Variants in CTNNA3 observed in about 807,000 individuals in gnomAD.
The protein encoded by CTNNA3 is catenin alpha-3.
Under a neutral mutation model 95.7 loss-of-function variants are expected in CTNNA3, and 76 were observed. That is an observed-to-expected ratio of 0.79 (90% CI 0.66 to 0.96). CTNNA3 has a LOEUF of 0.96. CTNNA3 is among the 40% of genes least tolerant of loss of function. CTNNA3 has a pLI of 0.00. For synonymous variants in CTNNA3, 431 were observed against 374.4 expected (o/e 1.15, Z -1.74); for missense variants, 1,191 against 1,089.8 (o/e 1.09, Z -1.31).
chr10:66,755,936 T>C (rs995711492), intron 9 of CTNNA3, among the ~76,000 whole-genome samples: 3 of 152,170 alleles, frequency 2.0e-5, no homozygotes, highest in Admixed American at 6.5e-5. Context: ...TGCCATTTAC[T>C]TTTATTTAGC....
chr10:67,303,129 A>G (rs1840395961), intron 5 of CTNNA3, among the ~76,000 whole-genome samples: 1 of 152,226 alleles, frequency 6.6e-6, no homozygotes, highest in African/African-American at 2.4e-5. Flanking sequence ...GACATAAGGT[A>G]TAATGCAGTA....
intron 10 of CTNNA3, among the ~76,000 whole-genome samples, chr10:66,597,795 T>A (rs1228834199): frequency 6.6e-6 from 1 of 151,414 alleles, no homozygotes; most frequent in Admixed American, 6.6e-5. Flanking sequence ...TTCCAAGAAA[T>A]AAAAGATAAA....
In CTNNA3 at chr10:66,213,453, T is replaced by C. The variant is rs987672387; in HGVS notation, c.1884+67017A>G. Reference sequence around the variant, plus strand: ...ACTGACTACGCTACATTTTTTCCTATGTCAGGGAAAAGTTAGAACATTGTA... The same window carrying C: ...ACTGACTACGCTACATTTTTTCCTACGTCAGGGAAAAGTTAGAACATTGTA... On this transcript the variant is annotated intron_variant, in intron 13 of 17. Transcript: ENST00000433211. 6.6e-5 allele frequency among the ~76,000 whole-genome samples: 10 copies of C among 152,176 alleles called. No individual in the cohort carries two copies. The South Asian group carries it at 8.3e-4, about 13-fold the overall frequency.
intron 5 of CTNNA3, among the ~76,000 whole-genome samples, chr10:67,482,464 C>T (rs554210373): frequency 5.3e-5 from 8 of 151,954 alleles, no homozygotes; most frequent in Non-Finnish European, 1.0e-4. Flanking sequence ...AGGTCCTTCA[C>T]GTCCCTTGTA....
At chr10:66,387,191 T>C (rs2092900085) in intron 11 of CTNNA3, among the ~76,000 whole-genome samples, 1 of 152,044 alleles carries the variant, frequency 6.6e-6, no homozygotes, top group African/African-American at 2.4e-5. Flanking sequence ...TTTTGCAATC[T>C]ACCTATCTGA....
intron 10 of CTNNA3, among the ~76,000 whole-genome samples, chr10:66,585,520 G>A (rs1262543662): frequency 6.6e-6 from 1 of 151,782 alleles, no homozygotes; most frequent in Admixed American, 6.6e-5. Context: ...TTGCCGAAAT[G>A]TGTAGTCTTT....
intron 5 of CTNNA3, among the ~76,000 whole-genome samples, chr10:67,317,812 G>A (rs1841123885): frequency 6.6e-6 from 1 of 152,152 alleles, no homozygotes; most frequent in Admixed American, 6.5e-5. Flanking sequence ...TTTTCAACTA[G>A]ACCTTCTTGG....
intron 5 of CTNNA3, among the ~76,000 whole-genome samples, chr10:67,318,696 A>G (rs1034772616): frequency 6.6e-6 from 1 of 152,190 alleles, no homozygotes. Context: ...CACCTGGAAT[A>G]TTCCTTTTTA....
At chr10:67,575,342 G>GTAAACTTGGCTATCA (rs11271551) in intron 3 of CTNNA3, among the ~76,000 whole-genome samples, 60,966 of 151,700 alleles carry the variant, frequency 0.4, 15,812 homozygotes, top group African/African-American at 0.71. Flanking sequence ...TCAATTGTGT[G>GTAAACTTGGCTATCA]TTTTGAGACA....
chr10:66,768,651 C>T (rs1015252422), intron 8 of CTNNA3, among the ~76,000 whole-genome samples: 1 of 151,974 alleles, frequency 6.6e-6, no homozygotes. Flanking sequence ...CATTTCCTCA[C>T]CTTTCTACCA....
chr10:67,742,996 T>C (rs1296906252), intron 1 of CTNNA3, among the ~76,000 whole-genome samples: 1 of 151,222 alleles, frequency 6.6e-6, no homozygotes, highest in Non-Finnish European at 1.5e-5. Flanking sequence ...GGTCTGAAAT[T>C]GAGGCAATAA....
At chr10:67,293,895 T>G (rs1404137811) in intron 5 of CTNNA3, among the ~76,000 whole-genome samples, 6 of 152,254 alleles carry the variant, frequency 3.9e-5, no homozygotes, top group Middle Eastern at 3.4e-3. Flanking sequence ...ATTTGCTACA[T>G]TTTCTTAATC....
chr10:66,482,887 A>C (rs1839588831), intron 11 of CTNNA3, among the ~76,000 whole-genome samples: 1 of 152,134 alleles, frequency 6.6e-6, no homozygotes, highest in Non-Finnish European at 1.5e-5. Flanking sequence ...GCAATGTGGG[A>C]ATTAAGGAGG....
chr10:66,050,552 C>T (rs543977706), intron 15 of CTNNA3, among the ~76,000 whole-genome samples: 1 of 152,210 alleles, frequency 6.6e-6, no homozygotes, highest in East Asian at 1.9e-4. Flanking sequence ...CTGCCTCAGC[C>T]TCTTCACTAG....
intron 7 of CTNNA3, among the ~76,000 whole-genome samples, chr10:67,128,554 T>C (rs1227483840): frequency 6.6e-6 from 1 of 152,108 alleles, no homozygotes; most frequent in African/African-American, 2.4e-5. Context: ...CAGAGCTACT[T>C]GGGTAGAAAT....
Position 66,777,801 on chromosome 10 carries a change from A to ACACATG in CTNNA3, c.1048-2278_1048-2277insCATGTG, listed in dbSNP as rs1554851013. Among the ~76,000 whole-genome samples, 308 of 142,060 alleles carry ACACATG rather than the reference A, an allele frequency of 2.2e-3. 1 individual carries two copies. The highest frequency in any genetic ancestry group is 7.8e-3 in the African/African-American group (293 of 37,558). The allele number at this position is 142,060 out of a possible 152,430, so 93.2% of individuals were successfully genotyped here. A position where few individuals can be genotyped will look rare whatever the true frequency, so the allele number is the denominator to read the frequency against. ...CACACACACACACACACACACATGC[A>ACACATG]CACACACACACACACACACAGTATC... On this transcript the variant is annotated intron_variant, in intron 7 of 17. Transcript: ENST00000433211.
chr10:66,737,084 C>T (rs4341429), intron 9 of CTNNA3, among the ~76,000 whole-genome samples: 35,379 of 151,982 alleles, frequency 0.23, 5,070 homozygotes, highest in East Asian at 0.49. Context: ...AATTTTTAAG[C>T]GCATTCTTAA....
At chr10:66,434,336 G>A (rs963942283) in intron 11 of CTNNA3, among the ~76,000 whole-genome samples, 2 of 152,050 alleles carry the variant, frequency 1.3e-5, no homozygotes, top group Admixed American at 6.6e-5. Flanking sequence ...GTGGTTTGTA[G>A]TTCCCCTTGA....
intron 5 of CTNNA3, among the ~76,000 whole-genome samples, chr10:67,349,492 G>A (rs893263667): frequency 5.3e-5 from 8 of 152,052 alleles, no homozygotes; most frequent in Non-Finnish European, 8.8e-5. Context: ...ATGAAGTATC[G>A]AAAATAGTTA....
Sources: allele counts gnomAD v4.1 joint callset (sites outside exome capture counted in the v4.1 genomes callset), GRCh38; gene constraint gnomAD v4.1.1; transcripts MANE v1.5; gene names NCBI Gene and HGNC (gene_info 2026-07-23, HGNC 2026-07-21).